IL18RAP: variants seen among roughly 807,000 people sequenced by gnomAD.
IL18RAP encodes the protein interleukin-18 receptor accessory protein.
In IL18RAP, 37 loss-of-function variants were observed where a neutral mutation model predicts 58.1. That is an observed-to-expected ratio of 0.64 (90% CI 0.49 to 0.84). The LOEUF (loss-of-function observed/expected upper bound fraction) is 0.84. IL18RAP is among the 40% of genes least tolerant of loss of function. The pLI, the probability that IL18RAP is intolerant of heterozygous loss-of-function variation, is 0.00. For synonymous variants in IL18RAP, 268 were observed against 257.5 expected (o/e 1.04, Z -0.39); for missense variants, 667 against 704.8 (o/e 0.95, Z 0.61).
chr2:102,450,546 G>T (rs184709029), intron 8 of IL18RAP, among the ~76,000 whole-genome samples: 1 of 152,256 alleles, frequency 6.6e-6, no homozygotes. Context: ...AACACTGCAG[G>T]TGCAAAGAAG....
upstream of IL18RAP, among the ~76,000 whole-genome samples, chr2:102,421,447 T>C (rs1391255629): frequency 2.0e-5 from 3 of 152,140 alleles, no homozygotes; most frequent in African/African-American, 7.2e-5. Context: ...GGAAATGAAA[T>C]GCCCAGGCTT....
chr2:102,428,872 T>A (rs1365554361), intron 3 of IL18RAP, among the ~76,000 whole-genome samples: 1 of 151,958 alleles, frequency 6.6e-6, no homozygotes, highest in East Asian at 1.9e-4. Flanking sequence ...TGAGGTACAG[T>A]CCCTCTATAC....
At chr2:102,424,470 T>C in intron 3 of IL18RAP, 56 bp downstream of exon 3, 2 of 1,471,412 alleles carry the variant, frequency 1.4e-6, no homozygotes, top group Non-Finnish European at 9.3e-7. Flanking sequence ...GGTATCTTCT[T>C]CATGGGCTTT....
In IL18RAP at chr2:102,437,244, C is replaced by A; in HGVS notation, c.612C>A (p.Asn204Lys). 1 of 1,612,530 alleles carries A rather than the reference C, an allele frequency of 6.2e-7. No individual in the cohort carries two copies. The highest frequency in any genetic ancestry group is 8.5e-7 in the Non-Finnish European group (1 of 1,179,352). The change falls in exon 4 of 10, where the codon AAC (asparagine) becomes AAA (lysine). Residue 204 changes from asparagine (N) to lysine (K), a missense_variant. Physicochemically the swap from Asn to Lys is moderately conservative, Grantham distance 94. Coordinates refer to ENST00000687160, the MANE Select transcript of IL18RAP (RefSeq NM_001393487.1). ...NGKLLSVERS[N>K]RIVVDEVYDY... is the part of the protein sequence containing the mutation. ...AACTCCTCTCTGTGGAAAGGAGCAA[C>A]CGAATCGTAGTGGATGAAGTTTATG...
At chr2:102,430,896 T>G (rs1477254671) in intron 3 of IL18RAP, among the ~76,000 whole-genome samples, 1 of 152,196 alleles carries the variant, frequency 6.6e-6, no homozygotes, top group East Asian at 1.9e-4. Flanking sequence ...TCTTAATGAT[T>G]AATTACAGCT....
At chr2:102,437,086 G>A in intron 3 of IL18RAP, 126 bp from the exon 4 acceptor site, 2 of 800,294 alleles carry the variant, frequency 2.5e-6, no homozygotes, top group East Asian at 2.7e-5. Context: ...CATAGCTTGT[G>A]AGATACCCTT....
chr2:102,421,958 A>T (rs1478349395), upstream of IL18RAP, among the ~76,000 whole-genome samples: 1 of 151,914 alleles, frequency 6.6e-6, no homozygotes, highest in African/African-American at 2.4e-5. Flanking sequence ...ATTTGTCCTC[A>T]CTGACCTGCT....
chr2:102,433,280 T>C (rs755731397), intron 3 of IL18RAP, among the ~76,000 whole-genome samples: 1 of 152,302 alleles, frequency 6.6e-6, no homozygotes, highest in East Asian at 1.9e-4. Context: ...TGGAGTACAG[T>C]GGTGTAATCA....
chr2:102,438,221 A>G (rs1368249398), intron 4 of IL18RAP, among the ~76,000 whole-genome samples: 1 of 152,174 alleles, frequency 6.6e-6, no homozygotes, highest in Non-Finnish European at 1.5e-5. Flanking sequence ...TGAATCAACT[A>G]TGTGATAGAA....
chr2:102,443,245 G>A lies in IL18RAP; in HGVS notation c.842G>A (p.Arg281Lys). The A allele has an allele frequency of 6.2e-7, 1 of 1,613,660 alleles. No individual in the cohort carries two copies. The highest frequency in any genetic ancestry group is 8.5e-7 in the Non-Finnish European group (1 of 1,179,840). ...ISCKARFGFE[R>K]VFNPVIKWYI... Reference sequence around the variant, plus strand: ...TGCAAAGCACGATTTGGCTTTGAAAGGGTCTTTAACCCTGTCATAAAATGG... The same window carrying A: ...TGCAAAGCACGATTTGGCTTTGAAAAGGTCTTTAACCCTGTCATAAAATGG... The change falls in exon 6 of 10, where the codon AGG becomes AAG. Residue 281 changes from arginine (R) to lysine (K), a missense_variant. By Grantham distance (26) the Arg-to-Lys change is conservative (BLOSUM62 2). Coordinates refer to ENST00000687160, the MANE Select transcript of IL18RAP (RefSeq NM_001393487.1).
intron 5 of IL18RAP, among the ~76,000 whole-genome samples, chr2:102,441,966 A>G (rs549068464): frequency 2.0e-5 from 3 of 152,240 alleles, no homozygotes; most frequent in South Asian, 2.1e-4. Context: ...TGATCAATAG[A>G]TTTTATTCTT....
chr2:102,432,614 A>G (rs2310300), intron 3 of IL18RAP, among the ~76,000 whole-genome samples: 81,412 of 151,876 alleles, frequency 0.54, 23,740 homozygotes, highest in African/African-American at 0.74. Flanking sequence ...CCCCTGGGCC[A>G]GGGATAGCCT....
chr2:102,435,719 G>A (rs1682688515), intron 3 of IL18RAP, among the ~76,000 whole-genome samples: 1 of 152,146 alleles, frequency 6.6e-6, no homozygotes, highest in South Asian at 2.1e-4. Context: ...TAGCTGTACT[G>A]ACTGGTAGTA....
intron 5 of IL18RAP, among the ~76,000 whole-genome samples, chr2:102,442,838 T>C (rs763358385): frequency 6.6e-6 from 1 of 152,220 alleles, no homozygotes; most frequent in Admixed American, 6.5e-5. Flanking sequence ...GGACACACCT[T>C]GTACTTCAAC....
intron 4 of IL18RAP, chr2:102,439,444 C>T (rs1682962556): frequency 1.3e-5 from 2 of 152,476 alleles, no homozygotes; most frequent in Admixed American, 6.5e-5. Flanking sequence ...ACAAGCCAGC[C>T]TTTGAGCTGG....
chr2:102,441,948 A>G (rs1683132190), intron 5 of IL18RAP, among the ~76,000 whole-genome samples: 1 of 152,194 alleles, frequency 6.6e-6, no homozygotes. Context: ...TGGCTGGAGC[A>G]TGAAACCTGA....
upstream of IL18RAP, among the ~76,000 whole-genome samples, chr2:102,421,449 C>T (rs1020405625): frequency 1.3e-5 from 2 of 152,100 alleles, no homozygotes; most frequent in Non-Finnish European, 2.9e-5. Flanking sequence ...AAATGAAATG[C>T]CCAGGCTTGC....
chr2:102,451,957 C>T lies in IL18RAP; in HGVS notation c.1576C>T (p.Leu526Phe). 1.2e-6 allele frequency: 2 copies of T among 1,614,140 alleles called. No homozygotes were observed. Among genetic ancestry groups the T allele is most frequent in the Non-Finnish European group, 1.7e-6 (2 of 1,180,024 alleles). ...YFQEPESLPHLVKKALRVLPT... is the reference protein window; with the variant it reads ...YFQEPESLPHFVKKALRVLPT... ...CCAAGAGCCAGAGTCTCTACCTCAT[C>T]TCGTGAAAAAAGCTCTCAGGGTTTT... is the stretch of plus-strand genomic sequence containing the variant. Residue 526 changes from leucine (L) to phenylalanine (F), a missense_variant, in exon 10 of 10, where the codon CTC (leucine) becomes TTC (phenylalanine). Transcript: ENST00000687160.
At position 102,423,265 on chromosome 2, in the gene IL18RAP, A is replaced by G. The variant is rs781233303; in HGVS notation, c.-13A>G. ...TGAAGTTATTGGAGTGATGACAGGA[A>G]CACGGGAGAACAATGCTCTGTTTGG... On this transcript the variant is annotated 5_prime_UTR_variant, in exon 1 of 10. Transcript: ENST00000687160. The G allele has an allele frequency of 6.2e-7, 1 of 1,613,614 alleles. No individual in the cohort carries two copies. The highest frequency in any genetic ancestry group is 1.3e-5 in the African/African-American group (1 of 74,902).
Sources: gnomAD v4.1 joint callset for allele counts (sites outside exome capture counted in the v4.1 genomes callset) on GRCh38, gnomAD v4.1.1 for gene constraint, MANE v1.5 for transcripts, NCBI Gene and HGNC (gene_info 2026-07-23, HGNC 2026-07-21) for gene names.